Variants in EDARADD observed in about 807,000 individuals in gnomAD.
The protein encoded by EDARADD is ectodysplasin-A receptor-associated adapter protein.
In EDARADD, 20 loss-of-function variants were observed where a neutral mutation model predicts 25.6. That is an observed-to-expected ratio of 0.78 (90% CI 0.55 to 1.14). EDARADD has a LOEUF of 1.14. Among genes scored for constraint, EDARADD ranks in the 50% most tolerant of loss-of-function variants. EDARADD has a pLI of 0.00. For missense variants in EDARADD, 225 were observed against 270.1 expected, an observed-to-expected ratio of 0.83 and a Z score of 1.17; for synonymous variants, 86 against 94.4, an observed-to-expected ratio of 0.91 and a Z score of 0.52.
chr1:236,417,000 G>C (rs1358640111), intron 3 of EDARADD, among the ~76,000 whole-genome samples: 4 of 152,128 alleles, frequency 2.6e-5, no homozygotes, highest in Non-Finnish European at 5.9e-5. Flanking sequence ...TGTAATCCCA[G>C]CTACCAGGGA....
chr1:236,363,004 AAAATATATATATATATAT>A (rs1208372175), intron 3 of EDARADD, among the ~76,000 whole-genome samples: 2 of 58,408 alleles, frequency 3.4e-5, no homozygotes, highest in South Asian at 7.1e-4. Context: ...AAAAAAAAAA[AAAATATATATATATATAT>A]ATATATATAT....
chr1:236,448,139 C>T (rs968904980), intron 4 of EDARADD, among the ~76,000 whole-genome samples: 5 of 152,214 alleles, frequency 3.3e-5, no homozygotes, highest in South Asian at 2.1e-4. Flanking sequence ...CTGGCCCACT[C>T]GGAGAGCTTT....
At chr1:236,353,010 T>A (rs1558098361) in intron 3 of EDARADD, among the ~76,000 whole-genome samples, 2 of 148,746 alleles carry the variant, frequency 1.3e-5, no homozygotes, top group Admixed American at 6.7e-5. Flanking sequence ...ACTCCGTCTC[T>A]AAAAAAAAAA....
At chr1:236,382,334 G>T (rs1667311602) in intron 3 of EDARADD, among the ~76,000 whole-genome samples, 1 of 152,058 alleles carries the variant, frequency 6.6e-6, no homozygotes, top group Non-Finnish European at 1.5e-5. Flanking sequence ...AAAAGTTGTA[G>T]TTTGGACCTT....
intron 3 of EDARADD, among the ~76,000 whole-genome samples, chr1:236,359,019 G>A (rs111602588): frequency 2.5e-3 from 379 of 152,266 alleles, no homozygotes; most frequent in African/African-American, 8.7e-3. Flanking sequence ...TCTCTTTGTA[G>A]GTCTCTAAGA....
rs141129993 is a variant in EDARADD, at chr1:236,412,517, G to A, written c.121-1743G>A. 7.6e-4 allele frequency among the ~76,000 whole-genome samples: 116 copies of A among 152,096 alleles called. 1 individual carries two copies. The highest frequency in any genetic ancestry group is 2.6e-3 in the African/African-American group (107 of 41,502). Reference sequence around the variant, plus strand: ...TTGGTCTTTCTTAGAAACTGGGTCCGTCATTTCTCATCTAATCCCGCCTTC... The same window carrying A: ...TTGGTCTTTCTTAGAAACTGGGTCCATCATTTCTCATCTAATCCCGCCTTC... On this transcript the variant is annotated intron_variant, in intron 2 of 5. Coordinates refer to ENST00000334232, the MANE Select transcript of EDARADD (RefSeq NM_145861.4).
At chr1:236,361,820 C>T (rs60393523) in intron 3 of EDARADD, among the ~76,000 whole-genome samples, 14,101 of 151,168 alleles carry the variant, frequency 0.093, 1,025 homozygotes, top group African/African-American at 0.2. Context: ...TACTGTTGGT[C>T]GTTTGGGTTG....
intron 5 of EDARADD, among the ~76,000 whole-genome samples, chr1:236,471,234 T>G (rs1188545646): frequency 6.6e-6 from 1 of 152,128 alleles, no homozygotes; most frequent in Non-Finnish European, 1.5e-5. Context: ...GAAAACGAAA[T>G]CATGTTGTTT....
intron 4 of EDARADD, among the ~76,000 whole-genome samples, chr1:236,434,387 G>A (rs1393571130): frequency 6.6e-6 from 1 of 151,918 alleles, no homozygotes; most frequent in African/African-American, 2.4e-5. Flanking sequence ...ATAGGTGCAC[G>A]CCACCACACC....
chr1:236,375,606 A>C (rs914465277), intron 3 of EDARADD, among the ~76,000 whole-genome samples: 10 of 145,030 alleles, frequency 6.9e-5, no homozygotes, highest in African/African-American at 2.3e-4. Flanking sequence ...AAATTTGCTG[A>C]GATCATGCCA....
chr1:236,379,652 A>G (rs1360548527), intron 3 of EDARADD, among the ~76,000 whole-genome samples: 3 of 150,690 alleles, frequency 2.0e-5, no homozygotes, highest in Admixed American at 6.6e-5. Context: ...GGTGGCGGGC[A>G]CCTGTAATCC....
At chr1:236,466,760 A>G (rs1659202747) in intron 4 of EDARADD, among the ~76,000 whole-genome samples, 1 of 152,142 alleles carries the variant, frequency 6.6e-6, no homozygotes, top group Non-Finnish European at 1.5e-5. Context: ...ATTAAGAGAG[A>G]AAGATTGTTT....
chr1:236,438,380 GA>G (rs1183610867), intron 4 of EDARADD, among the ~76,000 whole-genome samples: 8 of 152,186 alleles, frequency 5.3e-5, no homozygotes, highest in Non-Finnish European at 8.8e-5. Flanking sequence ...AGGGAGAGAT[GA>G]AGATGATTTG....
chr1:236,440,664 T>G (rs907212627), intron 4 of EDARADD, among the ~76,000 whole-genome samples: 1 of 152,034 alleles, frequency 6.6e-6, no homozygotes, highest in African/African-American at 2.4e-5. Context: ...GTGTTCACTT[T>G]GTGTCTCTGT....
At chr1:236,429,369 G>T (rs1658034129) in intron 4 of EDARADD, among the ~76,000 whole-genome samples, 1 of 150,428 alleles carries the variant, frequency 6.6e-6, no homozygotes, top group Non-Finnish European at 1.5e-5. Flanking sequence ...ACCATGCCCG[G>T]CTACTTTATT....
At chr1:236,381,787 TCTTCCTGTGGTTGC>T (rs1558105346) in intron 3 of EDARADD, among the ~76,000 whole-genome samples, 1 of 143,292 alleles carries the variant, frequency 7.0e-6, no homozygotes. Context: ...TTTTTTTTTT[TCTTCCTGTGGTTGC>T]TTTTTTTTTT....
At chr1:236,373,250 G>A (rs548548368) in intron 3 of EDARADD, among the ~76,000 whole-genome samples, 1 of 151,676 alleles carries the variant, frequency 6.6e-6, no homozygotes, top group East Asian at 1.9e-4. Context: ...CTGTTGCCCA[G>A]GCTGGAGTGC....
chr1:236,383,696 C>A (rs1667325142), intron 3 of EDARADD, among the ~76,000 whole-genome samples: 1 of 151,984 alleles, frequency 6.6e-6, no homozygotes, highest in Non-Finnish European at 1.5e-5. Context: ...TAATCTGCAA[C>A]TTATTTGGTC....
At chr1:236,438,882 G>A (rs549415924) in intron 4 of EDARADD, among the ~76,000 whole-genome samples, 1 of 152,072 alleles carries the variant, frequency 6.6e-6, no homozygotes, top group Non-Finnish European at 1.5e-5. Flanking sequence ...TTAAATTAGG[G>A]TTCACCCTTG....
Sources: allele counts gnomAD v4.1 joint callset (sites outside exome capture counted in the v4.1 genomes callset), GRCh38; gene constraint gnomAD v4.1.1; transcripts MANE v1.5; gene names NCBI Gene and HGNC (gene_info 2026-07-23, HGNC 2026-07-21).